PTPRR: variants seen among roughly 807,000 people sequenced by gnomAD.
PTPRR encodes protein tyrosine phosphatase receptor type R.
Under a neutral mutation model 77.2 loss-of-function variants are expected in PTPRR, and 38 were observed. That is an observed-to-expected ratio of 0.49 (90% confidence interval 0.38 to 0.65). The LOEUF (loss-of-function observed/expected upper bound fraction) is 0.65, where lower values mean the gene tolerates loss of function less well. Among genes scored for constraint, PTPRR ranks in the 30% least tolerant of loss-of-function variants. The pLI is 0.00. For missense variants in PTPRR, 744 were observed against 799.2 expected (o/e 0.93, Z 0.83); for synonymous variants, 299 against 283.1 (o/e 1.06, Z -0.57).
intron 2 of PTPRR, among the ~76,000 whole-genome samples, chr12:70,865,501 C>T (rs567710348): frequency 2.0e-5 from 3 of 152,132 alleles, no homozygotes; most frequent in East Asian, 1.9e-4. Context: ...AGAAATGCCT[C>T]GCCTAGGTGT....
intron 1 of PTPRR, among the ~76,000 whole-genome samples, chr12:70,913,947 T>C (rs756736586): frequency 6.6e-6 from 1 of 152,122 alleles, no homozygotes; most frequent in Non-Finnish European, 1.5e-5. Context: ...AAAGCTGCAA[T>C]TGTGTTATTG....
At chr12:70,710,205 CG>C (rs1888774446) in intron 6 of PTPRR, among the ~76,000 whole-genome samples, 1 of 152,050 alleles carries the variant, frequency 6.6e-6, no homozygotes, top group African/African-American at 2.4e-5. Flanking sequence ...AAAACAGACA[CG>C]GAGACCAATG....
chr12:70,736,215 G>T (rs1889856169), intron 6 of PTPRR, among the ~76,000 whole-genome samples: 1 of 152,096 alleles, frequency 6.6e-6, no homozygotes, highest in South Asian at 2.1e-4. Context: ...TTCTAGAATG[G>T]CAGTGAAATG....
chr12:70,851,237 T>C (rs1384467149), intron 2 of PTPRR, among the ~76,000 whole-genome samples: 1 of 152,184 alleles, frequency 6.6e-6, no homozygotes, highest in Non-Finnish European at 1.5e-5. Flanking sequence ...AAATATTGCA[T>C]TTATCCTGAC....
At chr12:70,891,813 G>T (rs1375505444) in intron 2 of PTPRR, among the ~76,000 whole-genome samples, 1 of 152,066 alleles carries the variant, frequency 6.6e-6, no homozygotes, top group African/African-American at 2.4e-5. Flanking sequence ...ATTACATTTG[G>T]TGCATAGAGG....
chr12:70,840,031 T>C (rs996335545), intron 2 of PTPRR, among the ~76,000 whole-genome samples: 1 of 152,174 alleles, frequency 6.6e-6, no homozygotes, highest in Non-Finnish European at 1.5e-5. Context: ...ATTGCCACTG[T>C]ATTAATTTCC....
At chr12:70,672,726 C>T in intron 10 of PTPRR, 1 of 1,545,484 alleles carries the variant, frequency 6.5e-7, no homozygotes, top group Non-Finnish European at 8.8e-7. Flanking sequence ...TCACCTTTTA[C>T]CCAGGGGATG....
intron 2 of PTPRR, among the ~76,000 whole-genome samples, chr12:70,768,198 A>T (rs922468161): frequency 6.6e-6 from 1 of 152,058 alleles, no homozygotes; most frequent in African/African-American, 2.4e-5. Flanking sequence ...GACACAAAAA[A>T]CCCTTCAAAA....
chr12:70,678,326 C>A (rs1389159132), intron 10 of PTPRR, among the ~76,000 whole-genome samples: 2 of 152,202 alleles, frequency 1.3e-5, no homozygotes, highest in African/African-American at 4.8e-5. Context: ...CAGGCGTGAG[C>A]CACAGCACCC....
chr12:70,728,422 G>T (rs867819484), intron 6 of PTPRR, among the ~76,000 whole-genome samples: 91 of 142,066 alleles, frequency 6.4e-4, no homozygotes, highest in African/African-American at 2.2e-3. Context: ...GGGATACAGG[G>T]ATACTCAACC....
intron 2 of PTPRR, among the ~76,000 whole-genome samples, chr12:70,819,422 G>T (rs896651840): frequency 1.3e-5 from 2 of 152,208 alleles, no homozygotes; most frequent in Non-Finnish European, 2.9e-5. Context: ...TATGGTCAGG[G>T]TTAGAAATGG....
Position 70,826,758 on chromosome 12 carries a change from T to G in PTPRR, c.358-61980A>C, listed in dbSNP as rs563792695. ...TTCACTAGTCCTTTGCTCCGGATAA[T>G]GTCAATACTCTGCCAAGACTCTCCA... On this transcript the variant is annotated intron_variant, in intron 2 of 13. Coordinates refer to ENST00000283228, the MANE Select transcript of PTPRR (RefSeq NM_002849.4). Among the ~76,000 whole-genome samples the G allele has an allele frequency of 5.3e-5, 8 of 152,312 alleles. No homozygotes were observed. The South Asian group carries it at 1.7e-3, about 32-fold the overall frequency.
intron 12 of PTPRR, among the ~76,000 whole-genome samples, chr12:70,659,194 C>T (rs768598899): frequency 1.3e-5 from 2 of 152,026 alleles, no homozygotes; most frequent in East Asian, 3.9e-4. Flanking sequence ...TGAGCTACCG[C>T]ACCTGGCCCA....
intron 6 of PTPRR, among the ~76,000 whole-genome samples, chr12:70,736,462 T>C (rs1214475075): frequency 6.6e-6 from 1 of 152,268 alleles, no homozygotes. Context: ...CAATTTATTA[T>C]TAATTAGGAG....
chr12:70,643,995 C>A (rs1886105826), intron 13 of PTPRR, among the ~76,000 whole-genome samples: 1 of 152,112 alleles, frequency 6.6e-6, no homozygotes, highest in Admixed American at 6.6e-5. Context: ...TAAAACATAA[C>A]CCCAGCCAAT....
chr12:70,764,571 C>T lies in PTPRR; in HGVS notation c.471+94G>A, dbSNP rs541459187. The stretch of plus-strand genomic sequence containing the variant: ...AAAACATGACGTGCCGGATTTGGCT[C>T]ATTAGCCATACAACTATAGCATGAG... On this transcript the variant is annotated intron_variant, in intron 3 of 13. Coordinates refer to ENST00000283228, the MANE Select transcript of PTPRR (RefSeq NM_002849.4). 30 of 1,010,174 alleles carry T rather than the reference C, an allele frequency of 3.0e-5. No individual in the cohort carries two copies. In the East Asian group the frequency reaches 5.4e-4, roughly 18 times the overall value. The allele number at this position is 1,010,174 out of a possible 1,614,324, so 62.6% of individuals were successfully genotyped here.
At chr12:70,884,871 CAAA>C (rs529547383) in intron 2 of PTPRR, among the ~76,000 whole-genome samples, 4 of 53,928 alleles carry the variant, frequency 7.4e-5, no homozygotes, top group African/African-American at 9.3e-5. Context: ...AACTCTGTCT[CAAA>C]AAAAAAAAAA....
At chr12:70,865,916 T>A (rs1892837009) in intron 2 of PTPRR, among the ~76,000 whole-genome samples, 1 of 152,150 alleles carries the variant, frequency 6.6e-6, no homozygotes, top group South Asian at 2.1e-4. Flanking sequence ...ACCAGATCTC[T>A]TAATTTTTTA....
intron 2 of PTPRR, among the ~76,000 whole-genome samples, chr12:70,892,007 C>T (rs1474300393): frequency 7.2e-5 from 11 of 152,014 alleles, no homozygotes; most frequent in Admixed American, 7.2e-4. Context: ...GGGTGTCAAC[C>T]TCAGTATGTA....
Sources: gnomAD v4.1 joint callset for allele counts (sites outside exome capture counted in the v4.1 genomes callset) on GRCh38, gnomAD v4.1.1 for gene constraint, MANE v1.5 for transcripts, NCBI Gene and HGNC (gene_info 2026-07-23, HGNC 2026-07-21) for gene names.